The following PCOLCE2 variants were observed in gnomAD, a reference collection of about 807,000 sequenced individuals.
PCOLCE2 encodes procollagen C-proteinase enhancer 2.
PCOLCE2 carries 42 observed loss-of-function variants against 47.0 expected under a neutral mutation model. The observed-to-expected ratio is 0.89, with a 90% CI of 0.70 to 1.16. The LOEUF (loss-of-function observed/expected upper bound fraction) is 1.16. Ranked by LOEUF, PCOLCE2 falls within the 50% of genes most tolerant of loss-of-function variation. The pLI is 0.00. For missense variants in PCOLCE2, 500 were observed against 526.1 expected (o/e 0.95, Z 0.49); for synonymous variants, 169 against 191.7 (o/e 0.88, Z 0.98).
intron 6 of PCOLCE2, among the ~76,000 whole-genome samples, chr3:142,828,414 T>G (rs1412248883): frequency 6.6e-6 from 1 of 152,196 alleles, no homozygotes; most frequent in Admixed American, 6.5e-5. Context: ...TTAGCCACAT[T>G]TTAAGTGCTC....
At chr3:142,872,746 G>A (rs984509023) in intron 2 of PCOLCE2, among the ~76,000 whole-genome samples, 31 of 152,058 alleles carry the variant, frequency 2.0e-4, no homozygotes, top group Admixed American at 7.2e-4. Context: ...GACAATGCCC[G>A]TTTCCCTCAT....
chr3:142,887,881 T>C (rs1933745564), intron 1 of PCOLCE2, 104 bp from the exon 2 acceptor site: 3 of 663,192 alleles, frequency 4.5e-6, no homozygotes, highest in Admixed American at 2.8e-5. Flanking sequence ...TAAAAGTTAA[T>C]GTTGATTAAT....
chr3:142,875,661 A>G (rs922156965), intron 2 of PCOLCE2, among the ~76,000 whole-genome samples: 4 of 152,310 alleles, frequency 2.6e-5, no homozygotes, highest in Admixed American at 1.3e-4. Context: ...GATGTTCTTA[A>G]GATTCCCCAC....
intron 2 of PCOLCE2, among the ~76,000 whole-genome samples, chr3:142,865,530 T>C (rs186599680): frequency 1.3e-5 from 2 of 152,312 alleles, no homozygotes; most frequent in African/African-American, 4.8e-5. Flanking sequence ...GACAACAACA[T>C]CTCTTGAAGA....
At chr3:142,823,932 C>T (rs879853765) in intron 6 of PCOLCE2, among the ~76,000 whole-genome samples, 7 of 152,106 alleles carry the variant, frequency 4.6e-5, no homozygotes, top group Admixed American at 4.6e-4. Context: ...GAGTGTGTGC[C>T]CTGTTTAGAA....
At chr3:142,827,121 T>G in intron 6 of PCOLCE2, 1 of 1,448,644 alleles carries the variant, frequency 6.9e-7, no homozygotes, top group Non-Finnish European at 9.6e-7. Flanking sequence ...CTGCACAGTC[T>G]TGGTTCCCCA....
chr3:142,825,527 C>T (rs556354648), intron 6 of PCOLCE2, among the ~76,000 whole-genome samples: 3 of 152,230 alleles, frequency 2.0e-5, no homozygotes, highest in East Asian at 3.9e-4. Context: ...GTTCCAGGCT[C>T]GGATGTCTTC....
intron 4 of PCOLCE2, among the ~76,000 whole-genome samples, chr3:142,839,752 T>C (rs1447561150): frequency 6.6e-6 from 1 of 152,188 alleles, no homozygotes; most frequent in African/African-American, 2.4e-5. Context: ...TTGCACATGA[T>C]AAATATATAT....
chr3:142,835,070 T>C (rs1937188041), intron 5 of PCOLCE2, among the ~76,000 whole-genome samples: 2 of 152,166 alleles, frequency 1.3e-5, no homozygotes, highest in Admixed American at 6.5e-5. Flanking sequence ...TGTTCTCTAT[T>C]TGTCTATTAG....
chr3:142,887,539 T>C, intron 2 of PCOLCE2, 130 bp downstream of exon 2: 1 of 622,394 alleles, frequency 1.6e-6, no homozygotes, highest in South Asian at 2.0e-5. Context: ...ATAGTTGGGG[T>C]AAATCCAACA....
intron 2 of PCOLCE2, among the ~76,000 whole-genome samples, chr3:142,882,384 T>C (rs1933641904): frequency 1.3e-5 from 2 of 152,070 alleles, no homozygotes; most frequent in South Asian, 4.1e-4. Context: ...AAAAGTTGTA[T>C]TCTAGGTGGA....
chr3:142,862,187 T>C lies in PCOLCE2; in HGVS notation c.193-13715A>G, dbSNP rs1038021357. Among the ~76,000 whole-genome samples, 6 of 152,134 alleles carry C rather than the reference T, an allele frequency of 3.9e-5. No individual in the cohort carries two copies. In the East Asian group the frequency reaches 1.2e-3, roughly 29 times the overall value. The stretch of plus-strand genomic sequence containing the variant: ...TGCTGGAGGTGGAGGAGGGAACCTG[T>C]AGGGTTAACCGCTCTTACAGAGGCC... On this transcript the variant is annotated intron_variant, in intron 2 of 8. Coordinates refer to ENST00000295992, the MANE Select transcript of PCOLCE2 (RefSeq NM_013363.4).
At chr3:142,855,488 C>A (rs939350033) in intron 2 of PCOLCE2, among the ~76,000 whole-genome samples, 1 of 152,126 alleles carries the variant, frequency 6.6e-6, no homozygotes, top group African/African-American at 2.4e-5. Flanking sequence ...CCTAAGGCCA[C>A]CCAGAAAGAC....
chr3:142,823,571 TC>T lies in PCOLCE2; in HGVS notation c.909del (p.Thr304ArgfsTer15). On this transcript the variant is annotated frameshift_variant, in exon 7 of 9. Coordinates refer to ENST00000295992, the MANE Select transcript of PCOLCE2 (RefSeq NM_013363.4). LOFTEE classifies it high-confidence loss of function. ...CAATAATTGCCCTCCAGAGTCCCCG[TC>T]CGTCTACACTTTTGTTGACACAAGG... ...TVALCQQKCR[R>X]TGTLEGNYCS... The T allele has an allele frequency of 1.2e-6, 2 of 1,611,652 alleles. No homozygotes were observed. The highest frequency in any genetic ancestry group is 8.5e-7 in the Non-Finnish European group (1 of 1,177,926).
intron 7 of PCOLCE2, among the ~76,000 whole-genome samples, chr3:142,823,194 G>A (rs1410090088): frequency 1.3e-5 from 2 of 152,112 alleles, no homozygotes; most frequent in Non-Finnish European, 2.9e-5. Flanking sequence ...TTGAGTTATA[G>A]ATGTGTGAAA....
chr3:142,848,766 T>C (rs1369860797), intron 2 of PCOLCE2, among the ~76,000 whole-genome samples: 6 of 152,214 alleles, frequency 3.9e-5, no homozygotes, highest in Non-Finnish European at 2.9e-5. Context: ...AGATGAGTCA[T>C]TGCTTAGAAT....
intron 3 of PCOLCE2, among the ~76,000 whole-genome samples, chr3:142,845,200 T>G (rs6788299): frequency 1.4e-4 from 22 of 152,238 alleles, no homozygotes; most frequent in African/African-American, 5.1e-4. Flanking sequence ...TAGTGATAAC[T>G]CCTGCATTTT....
chr3:142,820,101 A>C (rs1936995492), intron 8 of PCOLCE2, among the ~76,000 whole-genome samples: 1 of 148,956 alleles, frequency 6.7e-6, no homozygotes, highest in African/African-American at 2.6e-5. Flanking sequence ...TCTGGAAGGA[A>C]CTTAAATTTT....
rs910026528 is a variant in PCOLCE2 at position 142,842,268 on chromosome 3, G to A, written c.573+656C>T. Among the ~76,000 whole-genome samples the A allele has an allele frequency of 1.3e-5, 2 of 152,158 alleles. No homozygotes were observed. The highest frequency in any genetic ancestry group is 4.1e-4 in the South Asian group (2 of 4,832). The stretch of plus-strand genomic sequence containing the variant: ...ATGGGAGCAAATGGTAACCTGAAAT[G>A]TCCATGGACCTGGGGATTTTTATCC... On this transcript the variant is annotated intron_variant, in intron 4 of 8. Transcript: ENST00000295992. The surrounding 1 kb of genome is among the most constrained non-coding windows in gnomAD (Gnocchi z 4.1).
Sources: gnomAD v4.1 joint callset for allele counts (sites outside exome capture counted in the v4.1 genomes callset) on GRCh38, gnomAD v4.1.1 for gene constraint, Gnocchi (gnomAD v3.1) non-coding constraint, MANE v1.5 for transcripts, NCBI Gene and HGNC (gene_info 2026-07-23, HGNC 2026-07-21) for gene names.